The following RASSF5 variants were observed in gnomAD, a reference collection of about 807,000 sequenced individuals.
The protein encoded by RASSF5 is Ras association domain family member 5.
A neutral mutation model predicts 40.5 loss-of-function variants in RASSF5; 25 were observed. The ratio of observed to expected loss-of-function variants is 0.62; its 90% confidence interval spans 0.45 to 0.86. RASSF5 has a LOEUF of 0.86. Ranked by LOEUF, RASSF5 falls within the 40% of genes least tolerant of loss-of-function variation. The probability of loss-of-function intolerance (pLI) is 0.00; values close to 1 mark genes in which losing one functional copy is unlikely to be tolerated. For missense variants in RASSF5, 521 were observed against 572.8 expected, an observed-to-expected ratio of 0.91 and a Z score of 0.92; for synonymous variants, 246 against 252.4, an observed-to-expected ratio of 0.97 and a Z score of 0.24.
At chr1:206,523,012 A>T (rs182068163) in intron 1 of RASSF5, among the ~76,000 whole-genome samples, 13 of 152,158 alleles carry the variant, frequency 8.5e-5, no homozygotes, top group African/African-American at 3.1e-4. Context: ...TTGCATGTAT[A>T]AAAAAATATA....
chr1:206,551,330 C>T (rs897177032), intron 2 of RASSF5, among the ~76,000 whole-genome samples: 1 of 152,198 alleles, frequency 6.6e-6, no homozygotes. Flanking sequence ...CACCAGCCCA[C>T]CTATATCTGC....
intron 2 of RASSF5, chr1:206,542,722 A>C (rs1417264040): frequency 6.6e-6 from 1 of 152,208 alleles, no homozygotes; most frequent in Non-Finnish European, 1.5e-5. Context: ...TCTACTATTT[A>C]CTTAACATTT....
chr1:206,556,992 T>A (rs1553401836), intron 2 of RASSF5, among the ~76,000 whole-genome samples: 2 of 151,970 alleles, frequency 1.3e-5, no homozygotes. Flanking sequence ...GAGGGAATGT[T>A]CCCCCTCGGG....
At chr1:206,583,000 G>A in intron 2 of RASSF5, 1 of 361,094 alleles carries the variant, frequency 2.8e-6, no homozygotes. Flanking sequence ...CTCAAGACAA[G>A]CCTGTGCAGT....
At chr1:206,564,449 A>G (rs1480377658) in intron 2 of RASSF5, among the ~76,000 whole-genome samples, 1 of 152,172 alleles carries the variant, frequency 6.6e-6, no homozygotes, top group Non-Finnish European at 1.5e-5. Context: ...ACAGTTTGGG[A>G]CACATAATAT....
chr1:206,565,646 T>A (rs1668269138), intron 2 of RASSF5, among the ~76,000 whole-genome samples: 1 of 152,214 alleles, frequency 6.6e-6, no homozygotes, highest in South Asian at 2.1e-4. Context: ...GGCCCTTCCA[T>A]ATCCTAGTGG....
In RASSF5 at chr1:206,535,684, G is replaced by GGT. The variant is rs140102421; in HGVS notation, c.458-2471_458-2470dup. On this transcript the variant is annotated intron_variant, in intron 1 of 5. Transcript: ENST00000579436. This position sits in a 1 kb window ranked among gnomAD's most constrained non-coding sequence, Gnocchi z 5.0. ...CAGCTCAGCATGGTGATGTTTTCAGGGTGTGTGTGTGTGTGTGTCTGTGTG... is the reference window on the plus strand; with the variant it reads ...CAGCTCAGCATGGTGATGTTTTCAGGGTGTGTGTGTGTGTGTGTGTCTGTGTG... Among the ~76,000 whole-genome samples, 1,568 of 148,094 alleles carry GGT rather than the reference G, an allele frequency of 0.011. 26 individuals carry two copies. Among genetic ancestry groups the GGT allele is most frequent in the African/African-American group, 0.036 (1,424 of 39,812 alleles).
At chr1:206,518,063 G>T (rs1666804665) in intron 1 of RASSF5, among the ~76,000 whole-genome samples, 2 of 152,320 alleles carry the variant, frequency 1.3e-5, no homozygotes, top group African/African-American at 4.8e-5. Context: ...AAACTTTGGA[G>T]ACATTGATTT....
At chr1:206,572,373 G>A (rs1668480637) in intron 2 of RASSF5, among the ~76,000 whole-genome samples, 1 of 152,268 alleles carries the variant, frequency 6.6e-6, no homozygotes, top group African/African-American at 2.4e-5. Context: ...GAGTGGCTGT[G>A]GATATCAGAA....
At chr1:206,568,945 T>C (rs1191761434) in intron 2 of RASSF5, among the ~76,000 whole-genome samples, 4 of 152,200 alleles carry the variant, frequency 2.6e-5, no homozygotes, top group African/African-American at 9.7e-5. Flanking sequence ...CGTGACTCTA[T>C]GACCACATCC....
At chr1:206,510,973 A>G (rs184477720) in intron 1 of RASSF5, among the ~76,000 whole-genome samples, 3 of 152,320 alleles carry the variant, frequency 2.0e-5, no homozygotes, top group African/African-American at 7.2e-5. Flanking sequence ...AGGGCACTTT[A>G]GTAAGGAAAG....
At chr1:206,558,372 T>G (rs1668048235) in intron 2 of RASSF5, among the ~76,000 whole-genome samples, 1 of 151,512 alleles carries the variant, frequency 6.6e-6, no homozygotes, top group South Asian at 2.1e-4. Context: ...CTGGCCACTC[T>G]CCTAGTTGGC....
intron 1 of RASSF5, among the ~76,000 whole-genome samples, chr1:206,528,386 G>A (rs1053612902): frequency 3.3e-5 from 5 of 152,170 alleles, no homozygotes; most frequent in Non-Finnish European, 5.9e-5. Context: ...TAAAAGATCA[G>A]GGGTTGCCAG....
chr1:206,529,474 T>C (rs912488035), intron 1 of RASSF5: 10 of 1,362,000 alleles, frequency 7.3e-6, no homozygotes, highest in African/African-American at 2.9e-5. Context: ...AAGGCAAGAC[T>C]GGGACGTCTA....
At chr1:206,548,000 C>T (rs1667740275) in intron 2 of RASSF5, among the ~76,000 whole-genome samples, 1 of 152,080 alleles carries the variant, frequency 6.6e-6, no homozygotes, top group Non-Finnish European at 1.5e-5. Context: ...GTTCTAATTT[C>T]ACCTTCCTTT....
At chr1:206,525,169 G>A (rs1238633307) in intron 1 of RASSF5, among the ~76,000 whole-genome samples, 1 of 152,156 alleles carries the variant, frequency 6.6e-6, no homozygotes, top group African/African-American at 2.4e-5. Flanking sequence ...TCAGCCTAGG[G>A]ATGTGTGGTT....
intron 2 of RASSF5, among the ~76,000 whole-genome samples, chr1:206,540,955 A>C (rs1235900788): frequency 1.3e-5 from 2 of 152,050 alleles, no homozygotes; most frequent in Non-Finnish European, 2.9e-5. Flanking sequence ...GTGCAGTGGC[A>C]TGATCTCAGC....
intron 2 of RASSF5, among the ~76,000 whole-genome samples, chr1:206,545,724 T>C (rs578025144): frequency 2.6e-5 from 4 of 152,340 alleles, no homozygotes; most frequent in African/African-American, 9.6e-5. Context: ...CTATGAAATC[T>C]ACTTTGTCCA....
At chr1:206,573,459 T>C (rs1207082759) in intron 2 of RASSF5, among the ~76,000 whole-genome samples, 1 of 152,174 alleles carries the variant, frequency 6.6e-6, no homozygotes, top group Non-Finnish European at 1.5e-5. Flanking sequence ...TGGGACGCCA[T>C]AGAGGGCAAG....
Sources: gnomAD v4.1 joint callset for allele counts (sites outside exome capture counted in the v4.1 genomes callset) on GRCh38, gnomAD v4.1.1 for gene constraint, Gnocchi (gnomAD v3.1) non-coding constraint, MANE v1.5 for transcripts, NCBI Gene and HGNC (gene_info 2026-07-23, HGNC 2026-07-21) for gene names.